SEMA4B: variants seen among roughly 807,000 people sequenced by gnomAD.
SEMA4B encodes the protein semaphorin-4B.
SEMA4B carries 55 observed loss-of-function variants against 88.1 expected under a neutral mutation model. The observed-to-expected ratio is 0.62, with a 90% CI of 0.50 to 0.78. The LOEUF is 0.78. Ranked by LOEUF, SEMA4B falls within the 30% of genes least tolerant of loss-of-function variation. The pLI, the probability that SEMA4B is intolerant of heterozygous loss-of-function variation, is 0.00. For missense variants in SEMA4B, 1,062 were observed against 1,111.9 expected (o/e 0.96, Z 0.64); for synonymous variants, 525 against 473.6 (o/e 1.11, Z -1.41).
intron 3 of SEMA4B, among the ~76,000 whole-genome samples, chr15:90,218,526 G>A (rs1009410839): frequency 2.6e-5 from 4 of 152,192 alleles, no homozygotes; most frequent in Non-Finnish European, 4.4e-5. Context: ...AGTGGCTCAC[G>A]CCTGTAATCC....
chr15:90,228,760 T>A lies in SEMA4B; in HGVS notation c.*117T>A. On this transcript the variant is annotated 3_prime_UTR_variant, in exon 14 of 14. Transcript: ENST00000411539. ...GGAACACGACCGTGGTGCCCGGCCC[T>A]TGGGAGCCTTGGGGCCAGCTGGCCT... The A allele has an allele frequency of 7.3e-7, 1 of 1,362,558 alleles. No homozygotes were observed. Among genetic ancestry groups the A allele is most frequent in the South Asian group, 1.4e-5 (1 of 73,588 alleles). 84.4% of individuals were successfully genotyped at this position (1,362,558 alleles called of 1,614,324 possible).
intron 1 of SEMA4B, among the ~76,000 whole-genome samples, chr15:90,205,513 C>G (rs1960945926): frequency 6.6e-6 from 1 of 152,236 alleles, no homozygotes; most frequent in Non-Finnish European, 1.5e-5. Context: ...TGGGCAAGCT[C>G]CTGGCCTTCT....
chr15:90,227,056 T>C (rs1055844809), intron 12 of SEMA4B, among the ~76,000 whole-genome samples: 9 of 152,178 alleles, frequency 5.9e-5, no homozygotes, highest in African/African-American at 1.9e-4. Flanking sequence ...TTTATTATTA[T>C]TTTTTGAGAC....
At chr15:90,198,256 A>T (rs1960581535), upstream of SEMA4B, among the ~76,000 whole-genome samples, 2 of 152,224 alleles carry the variant, frequency 1.3e-5, no homozygotes, top group Admixed American at 1.3e-4. Context: ...TATAAAAAAA[A>T]TAGTTCTGGT....
In SEMA4B at chr15:90,225,439, G is replaced by C. The variant is rs1045487670; in HGVS notation, c.1521+42G>C. On this transcript the variant is annotated intron_variant, in intron 11 of 13. Coordinates refer to ENST00000411539, the MANE Select transcript of SEMA4B (RefSeq NM_198925.4). ...GGAATCCTGGCAGGGTACTTGGGGGGTGCCCTCCATTAGCACCAAGCAGTC... is the reference window on the plus strand; with the variant it reads ...GGAATCCTGGCAGGGTACTTGGGGGCTGCCCTCCATTAGCACCAAGCAGTC... 3.9e-6 allele frequency: 6 copies of C among 1,525,674 alleles called. No homozygotes were observed. In the Admixed American group the frequency reaches 7.9e-5, roughly 20 times the overall value. 94.5% of individuals were successfully genotyped at this position (1,525,674 alleles called of 1,614,324 possible). A position where few individuals can be genotyped will look rare whatever the true frequency, so the allele number is the denominator to read the frequency against.
In SEMA4B at chr15:90,227,542, C is replaced by A; in HGVS notation, c.1689-15C>A. The A allele has an allele frequency of 6.2e-7, 1 of 1,613,234 alleles. No homozygotes were observed. Among genetic ancestry groups the A allele is most frequent in the Non-Finnish European group, 8.5e-7 (1 of 1,179,386 alleles). On this transcript the variant is annotated splice_polypyrimidine_tract_variant and intron_variant, in intron 12 of 13. Transcript: ENST00000411539. Reference sequence around the variant, plus strand: ...GGACTTCCTGGCCAATCCCAGAATTCTCTCTGGCCCTCAGGCCGTGGATCC... The same window carrying A: ...GGACTTCCTGGCCAATCCCAGAATTATCTCTGGCCCTCAGGCCGTGGATCC...
chr15:90,188,098 C>T (rs1490645159), intron 1 of SEMA4B, among the ~76,000 whole-genome samples: 2 of 150,702 alleles, frequency 1.3e-5, no homozygotes, highest in Non-Finnish European at 3.0e-5. Flanking sequence ...GTGGGTGGAT[C>T]GCTTGAGTCC....
intron 1 of SEMA4B, among the ~76,000 whole-genome samples, chr15:90,188,261 A>G (rs974739496): frequency 2.6e-5 from 4 of 152,116 alleles, no homozygotes; most frequent in Non-Finnish European, 4.4e-5. Context: ...TTGAGGCTTC[A>G]GTGAGCCATC....
rs1025533860 is a variant in SEMA4B at position 90,228,025 on chromosome 15, G to A, written c.1896G>A (p.Ser632=). The A allele has an allele frequency of 1.8e-5, 29 of 1,613,880 alleles. No homozygotes were observed. Among genetic ancestry groups the A allele is most frequent in the East Asian group, 2.2e-5 (1 of 44,878 alleles). The change falls in exon 14 of 14, where the codon TCG becomes TCA. Residue 632 remains serine, a synonymous_variant. Transcript: ENST00000411539. Reference sequence around the variant, plus strand: ...GCAACGGGGCCCCCGTCAATGCCTCGGCCTCCTGCCACGTGCTACCCACTG... The same window carrying A: ...GCAACGGGGCCCCCGTCAATGCCTCAGCCTCCTGCCACGTGCTACCCACTG... ...WLRNGAPVNA[S]ASCHVLPTGD...
chr15:90,200,215 G>T (rs1221365119), upstream of SEMA4B, among the ~76,000 whole-genome samples: 1 of 152,182 alleles, frequency 6.6e-6, no homozygotes, highest in Non-Finnish European at 1.5e-5. Context: ...GGGAGGAGAG[G>T]AAAAGAGGTG....
upstream of SEMA4B, among the ~76,000 whole-genome samples, chr15:90,196,925 T>C (rs189871679): frequency 3.1e-4 from 47 of 152,364 alleles, no homozygotes; most frequent in African/African-American, 1.1e-3. Flanking sequence ...CTTCATTATG[T>C]TTTAATGCTC....
intron 1 of SEMA4B, among the ~76,000 whole-genome samples, chr15:90,189,841 C>T (rs972748714): frequency 2.6e-5 from 4 of 152,172 alleles, no homozygotes; most frequent in Admixed American, 1.3e-4. Context: ...TCCCTGAAGC[C>T]CACCCGTGTG....
chr15:90,218,326 C>T (rs1036543826), intron 3 of SEMA4B, among the ~76,000 whole-genome samples: 2 of 152,220 alleles, frequency 1.3e-5, no homozygotes, highest in Non-Finnish European at 2.9e-5. Context: ...TAGAGGCCTC[C>T]TGCTCCTGCT....
At chr15:90,196,649 G>A (rs569330957), upstream of SEMA4B, among the ~76,000 whole-genome samples, 17 of 152,072 alleles carry the variant, frequency 1.1e-4, no homozygotes, top group East Asian at 3.3e-3. Context: ...ACCACGCCCA[G>A]CTAATTTTTT....
intron 2 of SEMA4B, 70 bp from the exon 3 acceptor site, chr15:90,217,697 C>T (rs1961603086): frequency 1.2e-6 from 2 of 1,602,984 alleles, no homozygotes; most frequent in African/African-American, 1.3e-5. Context: ...AGGATGATGC[C>T]TATGGGAGAG....
At chr15:90,188,719 G>GTGCAGTGGCGCTATCTCGGCTCAC (rs1400922435) in intron 1 of SEMA4B, among the ~76,000 whole-genome samples, 2 of 152,072 alleles carry the variant, frequency 1.3e-5, no homozygotes, top group Non-Finnish European at 2.9e-5. Context: ...CTCACTCTGG[G>GTGCAGTGGCGCTATCTCGGCTCAC]TGCAGTGGCG....
chr15:90,203,923 C>T (rs767562572), intron 1 of SEMA4B, among the ~76,000 whole-genome samples: 1 of 152,188 alleles, frequency 6.6e-6, no homozygotes, highest in African/African-American at 2.4e-5. Flanking sequence ...TATCTATAGT[C>T]GACTGAGTTG....
intron 1 of SEMA4B, among the ~76,000 whole-genome samples, chr15:90,191,628 G>A (rs1311098529): frequency 6.6e-6 from 1 of 152,224 alleles, no homozygotes; most frequent in African/African-American, 2.4e-5. Context: ...TCTTCTGACA[G>A]AAGAACCTGT....
chr15:90,222,622 A>G (rs1567059550), intron 7 of SEMA4B, among the ~76,000 whole-genome samples: 1 of 152,118 alleles, frequency 6.6e-6, no homozygotes, highest in Non-Finnish European at 1.5e-5. Context: ...CTTACAAGTT[A>G]AAGAGGCACT....
Sources: allele counts gnomAD v4.1 joint callset (sites outside exome capture counted in the v4.1 genomes callset), GRCh38; gene constraint gnomAD v4.1.1; transcripts MANE v1.5; gene names NCBI Gene and HGNC (gene_info 2026-07-23, HGNC 2026-07-21).